Variants in SNX20 observed in about 807,000 individuals in gnomAD.
The protein encoded by SNX20 is sorting nexin-20.
Under a neutral mutation model 24.5 loss-of-function variants are expected in SNX20, and 21 were observed. The observed-to-expected ratio is 0.86, with a 90% CI of 0.61 to 1.23. The LOEUF is 1.23. Among genes scored for constraint, SNX20 ranks in the 50% most tolerant of loss-of-function variants. SNX20 has a pLI of 0.00. For missense variants in SNX20, 433 were observed against 430.8 expected (o/e 1.00, Z -0.04); for synonymous variants, 206 against 192.8 (o/e 1.07, Z -0.57).
downstream of SNX20, chr16:50,671,042 A>C (rs1963037039): frequency 6.6e-6 from 1 of 151,716 alleles, no homozygotes; most frequent in African/African-American, 2.4e-5. Context: ...CTTTACTCCC[A>C]TATAAGTATT....
intron 2 of SNX20, among the ~76,000 whole-genome samples, chr16:50,676,791 T>G (rs1390907309): frequency 6.6e-6 from 1 of 152,260 alleles, no homozygotes; most frequent in Middle Eastern, 3.2e-3. Flanking sequence ...TCTTCCTGTT[T>G]CTGTTTCTCC....
intron 3 of SNX20, 61 bp downstream of exon 3, chr16:50,675,709 A>G: frequency 6.3e-7 from 1 of 1,596,796 alleles, no homozygotes; most frequent in Non-Finnish European, 8.5e-7. Flanking sequence ...TACAAGACTT[A>G]TTCAGGGCCA....
In SNX20 at chr16:50,673,389, C is replaced by T. The variant is rs539586944; in HGVS notation, c.*17G>A. ...TGACCCCAAATCTCCAGCGTCCCTG[C>T]GGGGTCCCAGGCCGGCTCAGTGCAG... On this transcript the variant is annotated 3_prime_UTR_variant, in exon 4 of 4. Coordinates refer to ENST00000330943, the MANE Select transcript of SNX20 (RefSeq NM_182854.4). The surrounding 1 kb of genome is among the most constrained non-coding windows in gnomAD (Gnocchi z 4.1). 50 of 1,470,964 alleles carry T rather than the reference C, an allele frequency of 3.4e-5. No individual in the cohort carries two copies. In the East Asian group the frequency reaches 6.0e-4, roughly 18 times the overall value. 91.1% of individuals were successfully genotyped at this position (1,470,964 alleles called of 1,614,324 possible).
chr16:50,667,178 C>G (rs1962934226), downstream of SNX20: 1 of 152,284 alleles, frequency 6.6e-6, no homozygotes, highest in South Asian at 2.1e-4. Flanking sequence ...CCTTGCAAGG[C>G]TTCTCTGTTA....
In SNX20 at chr16:50,673,708, TCTC is replaced by T; in HGVS notation, c.646_648del (p.Glu216del). On this transcript the variant is annotated inframe_deletion, in exon 4 of 4. Transcript: ENST00000330943. The surrounding 1 kb of genome is among the most constrained non-coding windows in gnomAD (Gnocchi z 4.1). ...GCCGCAGGGCAGTGGGCGGTGAGCT[TCTC>T]CTGCAGCGGCAGCACGCGCAGCAGC... 3 of 1,500,254 alleles carry T rather than the reference TCTC, an allele frequency of 2.0e-6. No individual in the cohort carries two copies. The highest frequency in any genetic ancestry group is 2.6e-6 in the Non-Finnish European group (3 of 1,132,986). 92.9% of individuals were successfully genotyped at this position (1,500,254 alleles called of 1,614,324 possible).
chr16:50,667,437 G>A (rs79092591), downstream of SNX20: 1,606 of 154,586 alleles, frequency 0.01, 29 homozygotes, highest in African/African-American at 0.037. Flanking sequence ...CCTCTGAGAA[G>A]CCTTCCCTGA....
chr16:50,677,141 C>T (rs1333978725), intron 2 of SNX20, among the ~76,000 whole-genome samples: 1 of 152,180 alleles, frequency 6.6e-6, no homozygotes, highest in Non-Finnish European at 1.5e-5. Flanking sequence ...AGCCACCTAC[C>T]GTGCCTATCT....
chr16:50,675,603 T>G (rs1963161851), intron 3 of SNX20, among the ~76,000 whole-genome samples, 167 bp downstream of exon 3: 1 of 152,136 alleles, frequency 6.6e-6, no homozygotes. Context: ...CCCTAGCAGG[T>G]GCTGAGCCTG....
downstream of SNX20, chr16:50,666,927 A>T (rs1003658606): frequency 2.6e-5 from 4 of 151,998 alleles, no homozygotes; most frequent in Non-Finnish European, 5.9e-5. Flanking sequence ...CTAAGAAGAG[A>T]CAGAGAAAGC....
Position 50,673,661 on chromosome 16 carries a change from G to T in SNX20, c.696C>A (p.Ala232=). Residue 232 remains alanine (A), a synonymous_variant, in exon 4 of 4, where the codon GCC becomes GCA. Transcript: ENST00000330943. This position sits in a 1 kb window ranked among gnomAD's most constrained non-coding sequence, Gnocchi z 4.1. ...CPAAAVPALC[A]VLLCHRDLDR... ...CGAGGTCGCGGTGGCACAGCAGCAC[G>T]GCGCACAGGGCCGGGACGGCGGCCG... 2 of 1,503,424 alleles carry T rather than the reference G, an allele frequency of 1.3e-6. No individual in the cohort carries two copies. Among genetic ancestry groups the T allele is most frequent in the South Asian group, 1.2e-5 (1 of 80,224 alleles). The allele number at this position is 1,503,424 out of a possible 1,614,324, so 93.1% of individuals were successfully genotyped here.
downstream of SNX20, chr16:50,671,137 T>C (rs925069643): frequency 1.3e-5 from 2 of 150,634 alleles, 1 homozygote; most frequent in African/African-American, 4.9e-5. Context: ...CTTTTTTTTT[T>C]CACATTTCAG....
In SNX20 at chr16:50,673,277, G is replaced by A. The variant is rs1963090615; in HGVS notation, c.*129C>T. On this transcript the variant is annotated 3_prime_UTR_variant, in exon 4 of 4. Coordinates refer to ENST00000330943, the MANE Select transcript of SNX20 (RefSeq NM_182854.4). This position sits in a 1 kb window ranked among gnomAD's most constrained non-coding sequence, Gnocchi z 4.1. ...AATTGAGCCACTGCACTTCAGTCTGGGTGACAGAGCAAGACTGTCTCAAAT... is the reference window on the plus strand; with the variant it reads ...AATTGAGCCACTGCACTTCAGTCTGAGTGACAGAGCAAGACTGTCTCAAAT... 7 of 1,319,114 alleles carry A rather than the reference G, an allele frequency of 5.3e-6. No homozygotes were observed. Among genetic ancestry groups the A allele is most frequent in the Non-Finnish European group, 6.8e-6 (7 of 1,034,798 alleles). The allele number at this position is 1,319,114 out of a possible 1,614,324, so 81.7% of individuals were successfully genotyped here. A position where few individuals can be genotyped will look rare whatever the true frequency, so the allele number is the denominator to read the frequency against.
At chr16:50,669,227 T>A, downstream of SNX20, 1 of 737,052 alleles carries the variant, frequency 1.4e-6, no homozygotes, top group East Asian at 2.7e-5. Context: ...TACCTGAGGT[T>A]GGGTAGCTTA....
At chr16:50,670,873 T>C (rs1246292106), downstream of SNX20, 1 of 152,140 alleles carries the variant, frequency 6.6e-6, no homozygotes, top group Non-Finnish European at 1.5e-5. Context: ...CAGCATTGAG[T>C]GTCATCGGGA....
rs1363705317 is a variant in SNX20, at chr16:50,673,763, G to A, written c.594C>T (p.Ala198=). ...ELREAFGCLR[A]GQYPRALELL... ...GCTCCAGGGCGCGCGGGTACTGGCC[G>A]GCCCGCAGGCAGCCGAAAGCCTCGC... The change falls in exon 4 of 4, where the codon GCC becomes GCT. Residue 198 remains alanine (A), a synonymous_variant. Transcript: ENST00000330943. This position sits in a 1 kb window ranked among gnomAD's most constrained non-coding sequence, Gnocchi z 4.1. The A allele has an allele frequency of 1.3e-6, 2 of 1,525,676 alleles. No homozygotes were observed. The highest frequency in any genetic ancestry group is 2.0e-5 in the Admixed American group (1 of 49,206). 94.5% of individuals were successfully genotyped at this position (1,525,676 alleles called of 1,614,324 possible).
rs1339968231 is a variant in SNX20 at position 50,674,221 on chromosome 16, G to GTTTATTTA, written c.283-148_283-147insTAAATAAA. 2.5e-4 allele frequency: 233 copies of GTTTATTTA among 914,854 alleles called. No homozygotes were observed. The African/African-American group carries it at 4.2e-3, about 16-fold the overall frequency. 56.7% of individuals were successfully genotyped at this position (914,854 alleles called of 1,614,324 possible). A position where few individuals can be genotyped will look rare whatever the true frequency, so the allele number is the denominator to read the frequency against. On this transcript the variant is annotated intron_variant, in intron 3 of 3. Coordinates refer to ENST00000330943, the MANE Select transcript of SNX20 (RefSeq NM_182854.4). Reference sequence around the variant, plus strand: ...TATGCAATTGTTTGTTTGTTTGTTTGTTTGTTTGTTTATTTATTTATTTAT... The same window carrying GTTTATTTA: ...TATGCAATTGTTTGTTTGTTTGTTTGTTTATTTATTTGTTTGTTTATTTATTTATTTAT...
In SNX20 at chr16:50,672,314, C is replaced by T. The variant is rs2150759858; in HGVS notation, c.*1092G>A. ...TTCTACATAACCCAGGGAAGCCATT[C>T]AGGGAACAGCTGCCTTATGAATGAA... On this transcript the variant is annotated 3_prime_UTR_variant, in exon 4 of 4. Coordinates refer to ENST00000330943, the MANE Select transcript of SNX20 (RefSeq NM_182854.4). 1 of 152,372 alleles carries T rather than the reference C, an allele frequency of 6.6e-6. No homozygotes were observed. The highest frequency in any genetic ancestry group is 2.1e-4 in the South Asian group (1 of 4,826). 9.4% of individuals were successfully genotyped at this position (152,372 alleles called of 1,614,324 possible).
downstream of SNX20, chr16:50,668,257 G>A: frequency 7.0e-7 from 1 of 1,422,970 alleles, no homozygotes; most frequent in Non-Finnish European, 9.2e-7. Context: ...ACCTCCTTTT[G>A]CAGGACAACA....
downstream of SNX20, chr16:50,667,657 C>T (rs1013016061): frequency 9.7e-6 from 3 of 309,376 alleles, no homozygotes; most frequent in South Asian, 4.2e-5. Context: ...AACACCAACA[C>T]GCTGGGGACA....
Sources: allele counts gnomAD v4.1 joint callset (sites outside exome capture counted in the v4.1 genomes callset), GRCh38; gene constraint gnomAD v4.1.1; non-coding constraint Gnocchi (gnomAD v3.1); transcripts MANE v1.5; gene names NCBI Gene and HGNC (gene_info 2026-07-23, HGNC 2026-07-21).